PAIP2B: variants seen among roughly 807,000 people sequenced by gnomAD.
PAIP2B encodes the protein poly(A) binding protein interacting protein 2B.
A neutral mutation model predicts 17.0 loss-of-function variants in PAIP2B; 13 were observed. The ratio of observed to expected loss-of-function variants is 0.76; its 90% CI spans 0.50 to 1.22. The LOEUF (loss-of-function observed/expected upper bound fraction) is 1.22. PAIP2B is among the 50% of genes most tolerant of loss of function. The probability of loss-of-function intolerance (pLI) is 0.00; values close to 1 mark genes in which losing one functional copy is unlikely to be tolerated. For missense variants in PAIP2B, 117 were observed against 144.5 expected, an observed-to-expected ratio of 0.81 and a Z score of 0.98; for synonymous variants, 43 against 48.7, an observed-to-expected ratio of 0.88 and a Z score of 0.48.
intron 2 of PAIP2B, among the ~76,000 whole-genome samples, chr2:71,191,962 C>T (rs1348784084): frequency 6.6e-6 from 1 of 152,212 alleles, no homozygotes; most frequent in Non-Finnish European, 1.5e-5. Flanking sequence ...TTCAGACTCA[C>T]ATCCTGCCAA....
chr2:71,208,249 C>G (rs1291253340), intron 1 of PAIP2B, among the ~76,000 whole-genome samples: 1 of 152,062 alleles, frequency 6.6e-6, no homozygotes, highest in Non-Finnish European at 1.5e-5. Context: ...CATGGTGAAA[C>G]CCCATCCCTA....
At position 71,227,058 on chromosome 2, in the gene PAIP2B, C is replaced by T. The variant is rs931786058; in HGVS notation, c.-142G>A. On this transcript the variant is annotated 5_prime_UTR_variant, in exon 1 of 4. Coordinates refer to ENST00000244221, the MANE Select transcript of PAIP2B (RefSeq NM_020459.1). ...GTACCAAAACGTGAAGCACAGCACC[C>T]GAGAAGCGCCACTACCACTTGCCAG... is the stretch of plus-strand genomic sequence containing the variant. 1.3e-5 allele frequency: 2 copies of T among 153,166 alleles called. No homozygotes were observed. The highest frequency in any genetic ancestry group is 4.8e-5 in the African/African-American group (2 of 41,440). 9.5% of individuals were successfully genotyped at this position (153,166 alleles called of 1,614,324 possible).
chr2:71,189,604 G>A (rs1017273424), intron 3 of PAIP2B, among the ~76,000 whole-genome samples: 10 of 152,146 alleles, frequency 6.6e-5, no homozygotes, highest in Non-Finnish European at 1.5e-4. Flanking sequence ...GGTTGGTGGC[G>A]TCCAATCTTG....
chr2:71,188,780 G>C (rs1674607649), intron 3 of PAIP2B, among the ~76,000 whole-genome samples: 1 of 152,114 alleles, frequency 6.6e-6, no homozygotes, highest in Non-Finnish European at 1.5e-5. Flanking sequence ...TCAGAGGCCT[G>C]TAAGTTCAAC....
At chr2:71,189,304 T>C (rs1674622504) in intron 3 of PAIP2B, among the ~76,000 whole-genome samples, 1 of 152,098 alleles carries the variant, frequency 6.6e-6, no homozygotes, top group Non-Finnish European at 1.5e-5. Context: ...TGAGCCACCG[T>C]GCCCAGCCTG....
intron 2 of PAIP2B, among the ~76,000 whole-genome samples, chr2:71,197,860 A>C (rs1397047695): frequency 6.6e-6 from 1 of 152,022 alleles, no homozygotes; most frequent in Non-Finnish European, 1.5e-5. Flanking sequence ...GCAAGGAAAG[A>C]CTCACCCTCA....
At chr2:71,197,013 A>G (rs72622620) in intron 2 of PAIP2B, among the ~76,000 whole-genome samples, 19,349 of 152,132 alleles carry the variant, frequency 0.13, 1,393 homozygotes, top group South Asian at 0.3. Flanking sequence ...GCTCATTTAC[A>G]TTCAATGTTG....
Position 71,188,418 on chromosome 2 carries a change from T to G in PAIP2B, c.*61A>C. On this transcript the variant is annotated 3_prime_UTR_variant, in exon 4 of 4. Transcript: ENST00000244221. ...CCCATCCCCCTCTTCAGCTCCACCA[T>G]TTTGTGCATTACTATCCCCAGATGT... 3 of 959,844 alleles carry G rather than the reference T, an allele frequency of 3.1e-6. No homozygotes were observed. The highest frequency in any genetic ancestry group is 4.6e-6 in the Non-Finnish European group (3 of 648,710). 59.5% of individuals were successfully genotyped at this position (959,844 alleles called of 1,614,324 possible).
intron 1 of PAIP2B, among the ~76,000 whole-genome samples, chr2:71,226,038 T>C (rs1281816231): frequency 2.0e-5 from 3 of 152,150 alleles, no homozygotes; most frequent in African/African-American, 4.8e-5. Flanking sequence ...CTGAAAATAA[T>C]AGTAACAAAA....
rs563667102 is a variant in PAIP2B at position 71,218,029 on chromosome 2, T to C, written c.-12+8899A>G. 3.2e-4 allele frequency among the ~76,000 whole-genome samples: 49 copies of C among 152,298 alleles called. 1 individual carries two copies. The highest frequency in any genetic ancestry group is 6.8e-3 in the Middle Eastern group (2 of 294). ...GCTGCAGGAGCTATGATCATGCCAC[T>C]GCACTCCAGCCTGGGTGACAGACCA... On this transcript the variant is annotated intron_variant, in intron 1 of 3. Transcript: ENST00000244221.
intron 1 of PAIP2B, among the ~76,000 whole-genome samples, chr2:71,225,003 C>A (rs1425807293): frequency 6.6e-6 from 1 of 152,198 alleles, no homozygotes; most frequent in Non-Finnish European, 1.5e-5. Context: ...GTTTTAGACA[C>A]CCAGACATTT....
At chr2:71,201,095 T>C (rs1416575043) in intron 2 of PAIP2B, among the ~76,000 whole-genome samples, 1 of 152,026 alleles carries the variant, frequency 6.6e-6, no homozygotes, top group East Asian at 1.9e-4. Context: ...CACTTTTCCA[T>C]GTACCTTGTC....
At chr2:71,204,672 C>T (rs1296650343) in intron 1 of PAIP2B, among the ~76,000 whole-genome samples, 1 of 152,070 alleles carries the variant, frequency 6.6e-6, no homozygotes, top group Admixed American at 6.6e-5. Context: ...ATTCCAAATA[C>T]AGATCCATAA....
chr2:71,205,371 G>C (rs1006865730), intron 1 of PAIP2B, among the ~76,000 whole-genome samples: 2 of 152,100 alleles, frequency 1.3e-5, no homozygotes, highest in African/African-American at 4.8e-5. Flanking sequence ...TTTTTATACT[G>C]TTTAAAAATT....
chr2:71,213,197 A>G (rs573554950), intron 1 of PAIP2B, among the ~76,000 whole-genome samples: 1 of 152,188 alleles, frequency 6.6e-6, no homozygotes, highest in African/African-American at 2.4e-5. Flanking sequence ...GAATTATCTA[A>G]ACTAGAAGAA....
intron 1 of PAIP2B, among the ~76,000 whole-genome samples, chr2:71,226,194 A>G (rs1266744396): frequency 6.6e-6 from 1 of 152,198 alleles, no homozygotes; most frequent in Non-Finnish European, 1.5e-5. Flanking sequence ...GGAACAAAAC[A>G]TTAAAGTTCC....
chr2:71,191,478 GA>G (rs1228076229), intron 2 of PAIP2B, among the ~76,000 whole-genome samples: 1 of 152,214 alleles, frequency 6.6e-6, no homozygotes, highest in African/African-American at 2.4e-5. Flanking sequence ...AGGTGTAACA[GA>G]AACATGCTAC....
intron 1 of PAIP2B, among the ~76,000 whole-genome samples, chr2:71,219,939 C>T (rs969522148): frequency 1.3e-5 from 2 of 152,268 alleles, no homozygotes; most frequent in Middle Eastern, 3.4e-3. Context: ...ATCCATATAC[C>T]ATTCCTTGTT....
At chr2:71,193,173 C>T (rs1182029809) in intron 2 of PAIP2B, among the ~76,000 whole-genome samples, 8 of 151,964 alleles carry the variant, frequency 5.3e-5, no homozygotes, top group African/African-American at 7.3e-5. Context: ...GGTTTTGACT[C>T]GCATTTCTCT....
Sources: allele counts gnomAD v4.1 joint callset (sites outside exome capture counted in the v4.1 genomes callset), GRCh38; gene constraint gnomAD v4.1.1; transcripts MANE v1.5; gene names NCBI Gene and HGNC (gene_info 2026-07-23, HGNC 2026-07-21).